Variants in C11orf65 observed in about 807,000 individuals in gnomAD.
The protein encoded by C11orf65 is protein MFI.
In C11orf65, 38 loss-of-function variants were observed where a neutral mutation model predicts 35.3. That is an observed-to-expected ratio of 1.08 (90% CI 0.83 to 1.41). The LOEUF (loss-of-function observed/expected upper bound fraction) is 1.41, where lower values mean the gene tolerates loss of function less well. C11orf65 is among the 40% of genes most tolerant of loss of function. The pLI is 0.00. For missense variants in C11orf65, 370 were observed against 367.1 expected (o/e 1.01, Z -0.06); for synonymous variants, 105 against 114.4 (o/e 0.92, Z 0.53).
intron 2 of C11orf65, among the ~76,000 whole-genome samples, chr11:108,460,326 C>G (rs1304641570): frequency 1.3e-5 from 2 of 152,156 alleles, no homozygotes; most frequent in African/African-American, 2.4e-5. Flanking sequence ...CTGCTGCTAT[C>G]AGAGAGAAAA....
intron 2 of C11orf65, among the ~76,000 whole-genome samples, chr11:108,445,471 C>T (rs915013719): frequency 6.6e-6 from 1 of 152,040 alleles, no homozygotes; most frequent in Non-Finnish European, 1.5e-5. Context: ...CTATAGCCAC[C>T]GCTGTTCTGC....
At chr11:108,401,720 G>T (rs1181627133) in intron 6 of C11orf65, among the ~76,000 whole-genome samples, 1 of 152,064 alleles carries the variant, frequency 6.6e-6, no homozygotes, top group Middle Eastern at 3.2e-3. Context: ...ATCCGACTGG[G>T]CCAGTACACC....
rs876658820 is a variant in C11orf65 at position 108,354,871 on chromosome 11, A to G, written c.227-19579T>C. On this transcript the variant is annotated intron_variant, in intron 2 of 3. Coordinates refer to the C11orf65 transcript ENST00000524755. ...CTCAGGAAACTCTGTTAACCATTGT[A>G]GAGGTAAAGTATTTTATAAGGAAGA... The G allele has an allele frequency of 1.2e-6, 2 of 1,611,736 alleles. No individual in the cohort carries two copies. Among genetic ancestry groups the G allele is most frequent in the African/African-American group, 2.7e-5 (2 of 74,892 alleles).
intron 6 of C11orf65, among the ~76,000 whole-genome samples, chr11:108,396,040 A>G (rs780840055): frequency 1.1e-4 from 17 of 152,190 alleles, no homozygotes; most frequent in Non-Finnish European, 2.5e-4. Context: ...TGGCAGGGCT[A>G]TAACAGTGAG....
intron 7 of C11orf65, among the ~76,000 whole-genome samples, chr11:108,387,708 T>A (rs2138343266): frequency 6.6e-6 from 1 of 151,898 alleles, no homozygotes; most frequent in African/African-American, 2.4e-5. Context: ...TTTAATTTTT[T>A]GTAGAGATGG....
chr11:108,337,370 A>G (rs2086963940), intron 2 of C11orf65, among the ~76,000 whole-genome samples: 1 of 152,218 alleles, frequency 6.6e-6, no homozygotes, highest in African/African-American at 2.4e-5. Context: ...ATGAATGCAA[A>G]AAGCAAAAGT....
chr11:108,385,856 C>T (rs1052375169), intron 8 of C11orf65, 64 bp downstream of exon 8: 10 of 1,296,370 alleles, frequency 7.7e-6, no homozygotes, highest in African/African-American at 2.9e-5. Flanking sequence ...CCTAGAAATA[C>T]GTGTGTGGAA....
At chr11:108,422,604 C>A (rs1003410968) in intron 3 of C11orf65, among the ~76,000 whole-genome samples, 11 of 152,142 alleles carry the variant, frequency 7.2e-5, no homozygotes, top group African/African-American at 2.2e-4. Flanking sequence ...TTGACCTGGG[C>A]TGGGCATGGT....
intron 2 of C11orf65, among the ~76,000 whole-genome samples, chr11:108,375,198 A>G (rs538251317): frequency 6.3e-4 from 96 of 151,766 alleles, no homozygotes; most frequent in African/African-American, 2.2e-3. Context: ...GATTCACCAA[A>G]GTTGAAATGA....
intron 6 of C11orf65, chr11:108,317,556 T>G: frequency 6.4e-7 from 1 of 1,568,432 alleles, no homozygotes; most frequent in Non-Finnish European, 8.7e-7. Context: ...TTTTTTTGCC[T>G]CTCTCCTCAT....
chr11:108,420,212 A>G (rs956966246), intron 3 of C11orf65, among the ~76,000 whole-genome samples: 1 of 152,252 alleles, frequency 6.6e-6, no homozygotes, highest in African/African-American at 2.4e-5. Context: ...AGAAAACTAT[A>G]AAGCATTTGT....
chr11:108,407,584 T>C (rs956789416), intron 3 of C11orf65, among the ~76,000 whole-genome samples: 3 of 151,008 alleles, frequency 2.0e-5, no homozygotes, highest in African/African-American at 7.3e-5. Context: ...CCTCCCAAAG[T>C]GCTAAGATTA....
chr11:108,396,281 T>C (rs973994565), intron 6 of C11orf65, among the ~76,000 whole-genome samples: 2 of 151,378 alleles, frequency 1.3e-5, no homozygotes, highest in Admixed American at 1.3e-4. Context: ...TTAGTAGAGA[T>C]GGGGTTTCAC....
intron 6 of C11orf65, among the ~76,000 whole-genome samples, chr11:108,396,675 C>CA (rs199504893): frequency 0.36 from 53,537 of 148,226 alleles, 10,827 homozygotes; most frequent in Middle Eastern, 0.66. Context: ...ACTAAAAATA[C>CA]AAAAAAAAAT....
intron 3 of C11orf65, among the ~76,000 whole-genome samples, chr11:108,420,187 G>A (rs1471027001): frequency 1.3e-5 from 2 of 152,304 alleles, no homozygotes; most frequent in Admixed American, 6.5e-5. Context: ...CAAAAGATAT[G>A]TAAGACCTCT....
At chr11:108,402,495 T>C (rs2092456448) in intron 6 of C11orf65, among the ~76,000 whole-genome samples, 1 of 152,132 alleles carries the variant, frequency 6.6e-6, no homozygotes, top group African/African-American at 2.4e-5. Flanking sequence ...ATGCTGTGAC[T>C]ATGAGATAAA....
intron 3 of C11orf65, among the ~76,000 whole-genome samples, chr11:108,409,679 C>T (rs1269623964): frequency 6.6e-6 from 1 of 151,968 alleles, no homozygotes; most frequent in African/African-American, 2.4e-5. Context: ...CAGTCCATGG[C>T]CTGTTAAGAC....
At chr11:108,323,430 T>TG (rs1209681479) in intron 6 of C11orf65, among the ~76,000 whole-genome samples, 1 of 152,080 alleles carries the variant, frequency 6.6e-6, no homozygotes, top group Non-Finnish European at 1.5e-5. Flanking sequence ...GAAGAGGGGC[T>TG]GGTTAATGAG....
intron 2 of C11orf65, among the ~76,000 whole-genome samples, chr11:108,434,326 G>A (rs527738753): frequency 2.0e-5 from 3 of 152,058 alleles, no homozygotes; most frequent in Admixed American, 2.0e-4. Flanking sequence ...CCAACATGGT[G>A]AAACCACATC....
Sources: gnomAD v4.1 joint callset for allele counts (sites outside exome capture counted in the v4.1 genomes callset) on GRCh38, gnomAD v4.1.1 for gene constraint, MANE v1.5 for transcripts, NCBI Gene and HGNC (gene_info 2026-07-23, HGNC 2026-07-21) for gene names.